Variants in SEL1L3 observed in about 807,000 individuals in gnomAD.
SEL1L3 encodes the protein protein sel-1 homolog 3.
Under a neutral mutation model 142.8 loss-of-function variants are expected in SEL1L3, and 76 were observed. The ratio of observed to expected loss-of-function variants is 0.53; its 90% confidence interval spans 0.44 to 0.64. The LOEUF (loss-of-function observed/expected upper bound fraction) is 0.64. Ranked by LOEUF, SEL1L3 falls within the 30% of genes least tolerant of loss-of-function variation. SEL1L3 has a pLI of 0.00. For missense variants in SEL1L3, 1,262 were observed against 1,381.7 expected, an observed-to-expected ratio of 0.91 and a Z score of 1.37; for synonymous variants, 504 against 519.6, an observed-to-expected ratio of 0.97 and a Z score of 0.41.
the SEL1L3 span, among the ~76,000 whole-genome samples, chr4:25,722,623 G>GATTT: frequency 4.0e-5 from 5 of 125,122 alleles, no homozygotes; most frequent in Admixed American, 7.5e-5. Flanking sequence ...TCCAAAGGAG[G>GATTT]CTTTTTTTTT....
the SEL1L3 span, among the ~76,000 whole-genome samples, chr4:25,717,765 T>C: frequency 6.6e-6 from 1 of 152,242 alleles, no homozygotes; most frequent in African/African-American, 2.4e-5. Context: ...TTGTAAGCAC[T>C]GTGACCCTGG....
At chr4:25,779,968 T>C (rs1048742559) in intron 15 of SEL1L3, among the ~76,000 whole-genome samples, 2 of 152,176 alleles carry the variant, frequency 1.3e-5, no homozygotes, top group Non-Finnish European at 2.9e-5. Flanking sequence ...GAAGGGTTGT[T>C]GTAAGGATTA....
Position 25,779,245 on chromosome 4 carries a change from G to A in SEL1L3, c.2458-42C>T. 3 of 1,606,688 alleles carry A rather than the reference G, an allele frequency of 1.9e-6. No individual in the cohort carries two copies. In the South Asian group the frequency reaches 3.3e-5, roughly 18 times the overall value. ...ACAAACATCGAGTCATCCTAGCTGG[G>A]CTGGTTTCGCCAGAGACAAGGTGAT... On this transcript the variant is annotated intron_variant, in intron 15 of 23. Transcript: ENST00000399878.
downstream of SEL1L3, among the ~76,000 whole-genome samples, chr4:25,746,425 C>A (rs555261310): frequency 4.0e-5 from 6 of 149,238 alleles, no homozygotes; most frequent in East Asian, 7.9e-4. Context: ...GGCTGAGGCA[C>A]CAGAACCTAG....
At chr4:25,844,046 CA>C (rs1053115534) in intron 2 of SEL1L3, among the ~76,000 whole-genome samples, 1 of 152,220 alleles carries the variant, frequency 6.6e-6, no homozygotes, top group African/African-American at 2.4e-5. Flanking sequence ...CGTAGGACAC[CA>C]GGCACTTGAC....
intron 17 of SEL1L3, among the ~76,000 whole-genome samples, chr4:25,769,771 C>T (rs1164089318): frequency 6.6e-6 from 1 of 152,066 alleles, no homozygotes; most frequent in East Asian, 1.9e-4. Flanking sequence ...AATATTGGAC[C>T]AGTGCCCTCT....
downstream of SEL1L3, among the ~76,000 whole-genome samples, chr4:25,744,551 A>G (rs1577542086): frequency 6.6e-6 from 1 of 152,142 alleles, no homozygotes; most frequent in African/African-American, 2.4e-5. Flanking sequence ...ACGAGGTTTC[A>G]CCACGTTGGC....
intron 23 of SEL1L3, chr4:25,756,453 C>T: frequency 1.0e-6 from 1 of 985,180 alleles, no homozygotes; most frequent in Non-Finnish European, 1.2e-6. Context: ...TTAACTACAG[C>T]CGTCATTTTG....
chr4:25,765,388 A>C lies in SEL1L3; in HGVS notation c.2893T>G (p.Ser965Ala), dbSNP rs777648595. Residue 965 changes from serine to alanine, a missense_variant, in exon 20 of 24, where the codon TCA (serine) becomes GCA (alanine). By Grantham distance (99) the Ser-to-Ala change is moderately conservative. Coordinates refer to ENST00000399878, the MANE Select transcript of SEL1L3 (RefSeq NM_015187.5). ...TGCACAGACAACTCCAGGTCTTGTG[A>C]CTGGTTTTGGTGGCCATAGTAGTAA... ...DLYYYGHQNQSQDLELSVQMY... is the reference protein window; with the variant it reads ...DLYYYGHQNQAQDLELSVQMY... 1 of 1,613,894 alleles carries C rather than the reference A, an allele frequency of 6.2e-7. No homozygotes were observed. The highest frequency in any genetic ancestry group is 1.3e-5 in the African/African-American group (1 of 75,044).
At chr4:25,790,037 C>G (rs553140471) in intron 12 of SEL1L3, among the ~76,000 whole-genome samples, 1 of 152,314 alleles carries the variant, frequency 6.6e-6, no homozygotes, top group Admixed American at 6.5e-5. Context: ...CAGGGTGCAT[C>G]TTGTTTTTCT....
downstream of SEL1L3, among the ~76,000 whole-genome samples, chr4:25,746,368 A>C (rs1319481904): frequency 6.6e-6 from 1 of 151,382 alleles, no homozygotes; most frequent in Non-Finnish European, 1.5e-5. Context: ...AAATACAAAA[A>C]ATTAGCTAAG....
chr4:25,818,694 A>G (rs13102578), intron 8 of SEL1L3, among the ~76,000 whole-genome samples: 38,941 of 152,066 alleles, frequency 0.26, 6,175 homozygotes, highest in Non-Finnish European at 0.34. Flanking sequence ...ATCTCAGGGT[A>G]TGTCTCCTGA....
chr4:25,734,195 TTTTG>T, the SEL1L3 span, among the ~76,000 whole-genome samples: 10 of 152,094 alleles, frequency 6.6e-5, no homozygotes, highest in South Asian at 2.1e-4. Context: ...AGCTAATGTT[TTTTG>T]TTTGTTTGTT....
rs111547708 is a variant in SEL1L3, at chr4:25,796,321, G to A, written c.1957-5747C>T. ...CTTCAGGAAAGCTGAAGGCTGGGGC[G>A]CAGTGGCTCACGCCTGTAATCCTAG... On this transcript the variant is annotated intron_variant, in intron 11 of 23. Transcript: ENST00000399878. Among the ~76,000 whole-genome samples, 1,024 of 152,210 alleles carry A rather than the reference G, an allele frequency of 6.7e-3. 7 individuals carry two copies. Among genetic ancestry groups the A allele is most frequent in the Middle Eastern group, 0.031 (9 of 294 alleles).
At position 25,782,246 on chromosome 4, in the gene SEL1L3, T is replaced by C; in HGVS notation, c.2453A>G (p.Asn818Ser). Residue 818 changes from asparagine to serine, a missense_variant, in exon 15 of 24, where the codon AAT (asparagine) becomes AGT (serine). Transcript: ENST00000399878. ...DGIFPGVPGRNQTLAGEYFHK... is the reference protein window; with the variant it reads ...DGIFPGVPGRSQTLAGEYFHK... ...TGGGTCTCAAGTCCTACTCACTTGA[T>C]TCCTTCCAGGAACTCCAGGGAAGAT... 6.2e-7 allele frequency: 1 copy of C among 1,613,452 alleles called. No individual in the cohort carries two copies. The highest frequency in any genetic ancestry group is 8.5e-7 in the Non-Finnish European group (1 of 1,179,600).
At chr4:25,716,011 T>A in the SEL1L3 span, among the ~76,000 whole-genome samples, 1 of 152,136 alleles carries the variant, frequency 6.6e-6, no homozygotes, top group Non-Finnish European at 1.5e-5. Flanking sequence ...GCATTATCTT[T>A]CAAAAGAAAG....
At chr4:25,729,927 C>CCTTCTT in the SEL1L3 span, among the ~76,000 whole-genome samples, 1 of 151,220 alleles carries the variant, frequency 6.6e-6, no homozygotes, top group Admixed American at 6.6e-5. Context: ...TTCTTCTTCT[C>CCTTCTT]CTTCTTCTTC....
At chr4:25,740,799 T>TG in the SEL1L3 span, among the ~76,000 whole-genome samples, 1 of 152,210 alleles carries the variant, frequency 6.6e-6, no homozygotes, top group Non-Finnish European at 1.5e-5. Flanking sequence ...TTCTTTTTTT[T>TG]CCTGAGATAA....
intron 11 of SEL1L3, among the ~76,000 whole-genome samples, chr4:25,797,390 C>G (rs916001483): frequency 5.3e-5 from 8 of 152,162 alleles, no homozygotes; most frequent in Non-Finnish European, 1.2e-4. Context: ...AGGAACTTGC[C>G]TCTTAGCGTG....
Sources: allele counts gnomAD v4.1 joint callset (sites outside exome capture counted in the v4.1 genomes callset), GRCh38; gene constraint gnomAD v4.1.1; transcripts MANE v1.5; gene names NCBI Gene and HGNC (gene_info 2026-07-23, HGNC 2026-07-21).